SLC16A10: variants seen among roughly 807,000 people sequenced by gnomAD.
The protein encoded by SLC16A10 is monocarboxylate transporter 10.
SLC16A10 carries 27 observed loss-of-function variants against 40.0 expected under a neutral mutation model. That is an observed-to-expected ratio of 0.67 (90% CI 0.50 to 0.93). SLC16A10 has a LOEUF of 0.93. Among genes scored for constraint, SLC16A10 ranks in the 40% least tolerant of loss-of-function variants. SLC16A10 has a pLI of 0.00. For synonymous variants in SLC16A10, 213 were observed against 249.8 expected, an observed-to-expected ratio of 0.85 and a Z score of 1.39; for missense variants, 529 against 658.2, an observed-to-expected ratio of 0.80 and a Z score of 2.15.
intron 4 of SLC16A10, among the ~76,000 whole-genome samples, chr6:111,215,156 T>C: frequency 6.6e-6 from 1 of 152,150 alleles, no homozygotes; most frequent in African/African-American, 2.4e-5. Flanking sequence ...AATATTATGC[T>C]CAAAATATAT....
chr6:111,116,398 A>G (rs1771487365), intron 1 of SLC16A10, among the ~76,000 whole-genome samples: 1 of 151,916 alleles, frequency 6.6e-6, no homozygotes, highest in African/African-American at 2.4e-5. Context: ...TTGTATTATT[A>G]GTAGAGACGG....
chr6:111,148,874 G>A (rs1480575396), intron 1 of SLC16A10, among the ~76,000 whole-genome samples: 7 of 152,170 alleles, frequency 4.6e-5, no homozygotes, highest in African/African-American at 1.7e-4. Flanking sequence ...TTGGGAGGCC[G>A]AGGTGGGTGG....
chr6:111,166,138 T>G (rs1287771087), intron 1 of SLC16A10, among the ~76,000 whole-genome samples: 1 of 139,910 alleles, frequency 7.1e-6, no homozygotes, highest in African/African-American at 2.7e-5. Flanking sequence ...AAGATTAGCC[T>G]CACAAATCCT....
At chr6:111,189,884 C>T (rs1478403124) in intron 3 of SLC16A10, among the ~76,000 whole-genome samples, 2 of 152,150 alleles carry the variant, frequency 1.3e-5, no homozygotes, top group Non-Finnish European at 2.9e-5. Flanking sequence ...ACAGCCAAAC[C>T]ATATCATTCT....
At chr6:111,165,409 A>C (rs1265633593) in intron 1 of SLC16A10, among the ~76,000 whole-genome samples, 1 of 152,244 alleles carries the variant, frequency 6.6e-6, no homozygotes, top group East Asian at 1.9e-4. Context: ...CTGAAAAAGA[A>C]AATCTTTTTC....
chr6:111,221,828 G>A (rs1050788847), intron 5 of SLC16A10, among the ~76,000 whole-genome samples, 175 bp from the exon 6 acceptor site: 5 of 150,708 alleles, frequency 3.3e-5, no homozygotes, highest in Admixed American at 1.3e-4. Context: ...TTATGACAAC[G>A]TTAAAGATAT....
chr6:111,127,537 C>A (rs1160475206), intron 1 of SLC16A10, among the ~76,000 whole-genome samples: 1 of 152,096 alleles, frequency 6.6e-6, no homozygotes, highest in African/African-American at 2.4e-5. Flanking sequence ...TGGGCGGGCG[C>A]TAGGCCAGGT....
intron 1 of SLC16A10, among the ~76,000 whole-genome samples, chr6:111,126,958 G>C (rs940494362): frequency 6.6e-6 from 1 of 152,060 alleles, no homozygotes; most frequent in Middle Eastern, 3.2e-3. Context: ...TAAAAGTAAC[G>C]GCAAAAACCG....
intron 1 of SLC16A10, among the ~76,000 whole-genome samples, chr6:111,111,167 G>A (rs7751886): frequency 0.058 from 8,781 of 151,874 alleles, 756 homozygotes; most frequent in African/African-American, 0.19. Context: ...TTACCAAAAG[G>A]GCAAATTTTA....
chr6:111,183,525 A>G (rs1195446627), intron 3 of SLC16A10, among the ~76,000 whole-genome samples: 1 of 152,220 alleles, frequency 6.6e-6, no homozygotes, highest in Non-Finnish European at 1.5e-5. Flanking sequence ...GTCTGAAGTG[A>G]CACTGTATAA....
intron 1 of SLC16A10, among the ~76,000 whole-genome samples, chr6:111,137,118 C>A (rs904976735): frequency 6.6e-6 from 1 of 152,176 alleles, no homozygotes; most frequent in Admixed American, 6.5e-5. Flanking sequence ...AAGGCGGGAC[C>A]CTCCATTAGA....
intron 1 of SLC16A10, among the ~76,000 whole-genome samples, chr6:111,165,027 A>G (rs893088248): frequency 1.3e-5 from 2 of 152,180 alleles, no homozygotes; most frequent in South Asian, 2.1e-4. Context: ...TTATACAAAC[A>G]TCACACATAT....
intron 1 of SLC16A10, among the ~76,000 whole-genome samples, chr6:111,096,195 A>C (rs1771071728): frequency 6.6e-6 from 1 of 152,212 alleles, no homozygotes; most frequent in East Asian, 1.9e-4. Context: ...CATGTTCTTT[A>C]GAATATTCTC....
chr6:111,159,771 T>G (rs1169341406), intron 1 of SLC16A10, among the ~76,000 whole-genome samples: 1 of 152,218 alleles, frequency 6.6e-6, no homozygotes, highest in Non-Finnish European at 1.5e-5. Context: ...AGTAGCAGTA[T>G]GTGAAAGTTC....
chr6:111,131,719 A>G (rs1214080908), intron 1 of SLC16A10, among the ~76,000 whole-genome samples: 2 of 152,094 alleles, frequency 1.3e-5, no homozygotes, highest in Admixed American at 6.5e-5. Context: ...ACCAGCTTCC[A>G]CTTTCAGTTT....
At chr6:111,196,580 G>A (rs1293824054) in intron 3 of SLC16A10, among the ~76,000 whole-genome samples, 2 of 152,122 alleles carry the variant, frequency 1.3e-5, no homozygotes, top group East Asian at 1.9e-4. Flanking sequence ...AGGCCAAGGT[G>A]GGAGGATTGC....
rs755383157 is a variant in SLC16A10, at chr6:111,172,806, G to GA, written c.456dup (p.Phe153IlefsTer74). 1.2e-6 allele frequency: 2 copies of GA among 1,614,040 alleles called. No individual in the cohort carries two copies. The highest frequency in any genetic ancestry group is 1.7e-6 in the Non-Finnish European group (2 of 1,179,984). ...ACAGCTGTCGTGGGTGCTGCTGTTG[G>GA]ATTTGTTGGGCTCATGTCCAGTTCT... is the stretch of plus-strand genomic sequence containing the variant. On this transcript the variant is annotated frameshift_variant, in exon 2 of 6. Transcript: ENST00000368851. LOFTEE classifies it high-confidence loss of function.
chr6:111,137,567 C>T lies in SLC16A10; in HGVS notation c.344-35128C>T, dbSNP rs80054346. Among the ~76,000 whole-genome samples, 1,259 of 152,292 alleles carry T rather than the reference C, an allele frequency of 8.3e-3. 27 individuals carry two copies. Among genetic ancestry groups the T allele is most frequent in the African/African-American group, 0.029 (1,196 of 41,560 alleles). Reference sequence around the variant, plus strand: ...GATGCAGTCTATGACTCAAATCTACCGCGGACCCTTGGACCGGCCTGCTAG... The same window carrying T: ...GATGCAGTCTATGACTCAAATCTACTGCGGACCCTTGGACCGGCCTGCTAG... On this transcript the variant is annotated intron_variant, in intron 1 of 5. Transcript: ENST00000368851.
chr6:111,212,140 C>T (rs367922452), intron 4 of SLC16A10, among the ~76,000 whole-genome samples: 14 of 152,218 alleles, frequency 9.2e-5, no homozygotes, highest in African/African-American at 2.9e-4. Flanking sequence ...GGCTGCCGAG[C>T]CCAAGAGCAC....
Sources: allele counts gnomAD v4.1 joint callset (sites outside exome capture counted in the v4.1 genomes callset), GRCh38; gene constraint gnomAD v4.1.1; transcripts MANE v1.5; gene names NCBI Gene and HGNC (gene_info 2026-07-23, HGNC 2026-07-21).